Variants in CACNA2D3 observed in about 807,000 individuals in gnomAD.
CACNA2D3 encodes the protein voltage-dependent calcium channel subunit alpha-2/delta-3.
In CACNA2D3, 60 loss-of-function variants were observed where a neutral mutation model predicts 160.6. The ratio of observed to expected loss-of-function variants is 0.37; its 90% CI spans 0.30 to 0.46. CACNA2D3 has a LOEUF of 0.46. Among genes scored for constraint, CACNA2D3 ranks in the 20% least tolerant of loss-of-function variants. The probability of loss-of-function intolerance (pLI) is 1.00; values close to 1 mark genes in which losing one functional copy is unlikely to be tolerated. For missense variants in CACNA2D3, 1,205 were observed against 1,365.0 expected, an observed-to-expected ratio of 0.88 and a Z score of 1.85; for synonymous variants, 558 against 492.9, an observed-to-expected ratio of 1.13 and a Z score of -1.75.
intron 16 of CACNA2D3, among the ~76,000 whole-genome samples, chr3:54,843,702 A>G (rs1698870820): frequency 6.6e-6 from 1 of 152,240 alleles, no homozygotes; most frequent in Non-Finnish European, 1.5e-5. Context: ...TCTCTGAGGC[A>G]GGAAGAGCAG....
At chr3:54,942,173 G>T (rs1049410538) in intron 27 of CACNA2D3, among the ~76,000 whole-genome samples, 2 of 152,168 alleles carry the variant, frequency 1.3e-5, no homozygotes, top group Middle Eastern at 3.2e-3. Flanking sequence ...TCTGCAACAG[G>T]GCAGTGATAC....
chr3:55,070,065 C>T (rs1458315591), intron 35 of CACNA2D3, among the ~76,000 whole-genome samples: 3 of 152,202 alleles, frequency 2.0e-5, no homozygotes, highest in Non-Finnish European at 4.4e-5. Context: ...CAAATACTTA[C>T]TGAGAAGTTG....
chr3:55,042,097 G>T (rs1210184087), intron 35 of CACNA2D3, among the ~76,000 whole-genome samples: 1 of 152,064 alleles, frequency 6.6e-6, no homozygotes, highest in Non-Finnish European at 1.5e-5. Flanking sequence ...AATATTCCAT[G>T]TGCATTTTAA....
In CACNA2D3 at chr3:54,787,109, CA is replaced by C. The variant is rs549122956; in HGVS notation, c.1380+22759del. On this transcript the variant is annotated intron_variant, in intron 13 of 37. Transcript: ENST00000474759. ...TCCCTTCTTGTGGTTGTTTCCTGAA[CA>C]CACATATTTGAGGGAATATTCAGTA... is the stretch of plus-strand genomic sequence containing the variant. Among the ~76,000 whole-genome samples the C allele has an allele frequency of 1.7e-3, 266 of 152,286 alleles. 1 individual carries two copies. The highest frequency in any genetic ancestry group is 2.2e-3 in the Non-Finnish European group (147 of 68,022).
chr3:54,808,989 A>T (rs1703209650), intron 13 of CACNA2D3, among the ~76,000 whole-genome samples: 2 of 152,196 alleles, frequency 1.3e-5, no homozygotes, highest in African/African-American at 4.8e-5. Context: ...GTAAAGACTC[A>T]ATATGCATTA....
At chr3:54,679,870 A>G (rs1291547571) in intron 11 of CACNA2D3, among the ~76,000 whole-genome samples, 1 of 152,240 alleles carries the variant, frequency 6.6e-6, no homozygotes, top group Non-Finnish European at 1.5e-5. Context: ...GCAATTGCCA[A>G]ATTTGCAAAT....
intron 2 of CACNA2D3, among the ~76,000 whole-genome samples, chr3:54,195,672 G>A (rs926395274): frequency 6.6e-6 from 1 of 152,198 alleles, no homozygotes; most frequent in Non-Finnish European, 1.5e-5. Context: ...CTAGGGAGAC[G>A]TGGGGATGGT....
At chr3:54,641,983 CTT>C (rs78656061) in intron 10 of CACNA2D3, 143 bp from the exon 11 acceptor site, 10,606 of 511,230 alleles carry the variant, frequency 0.021, 143 homozygotes, top group Non-Finnish European at 0.029. Flanking sequence ...TGTGGAAAGA[CTT>C]TTTGTATAGG....
At chr3:54,388,284 G>A (rs1699223334) in intron 4 of CACNA2D3, among the ~76,000 whole-genome samples, 1 of 152,174 alleles carries the variant, frequency 6.6e-6, no homozygotes, top group Non-Finnish European at 1.5e-5. Context: ...TGAAATTTGG[G>A]ATAATGATAC....
rs912307555 is a variant in CACNA2D3, at chr3:54,659,365, T to C, written c.1167+17124T>C. Among the ~76,000 whole-genome samples the C allele has an allele frequency of 3.3e-5, 5 of 152,172 alleles. No homozygotes were observed. In the South Asian group the frequency reaches 1.0e-3, roughly 32 times the overall value. ...TGCATTTCCTATGAGCATCACTTCA[T>C]TGATACTCCCAGCACTTTTATGATA... On this transcript the variant is annotated intron_variant, in intron 11 of 37. Coordinates refer to ENST00000474759, the MANE Select transcript of CACNA2D3 (RefSeq NM_018398.3).
chr3:55,060,931 A>G (rs1327179644), intron 35 of CACNA2D3, among the ~76,000 whole-genome samples: 5 of 152,118 alleles, frequency 3.3e-5, no homozygotes, highest in African/African-American at 4.8e-5. Flanking sequence ...TTCAAACACA[A>G]AATACCATTC....
At chr3:54,539,585 T>A (rs1008135387) in intron 5 of CACNA2D3, among the ~76,000 whole-genome samples, 1 of 152,242 alleles carries the variant, frequency 6.6e-6, no homozygotes, top group South Asian at 2.1e-4. Flanking sequence ...CAAAGTCATC[T>A]CAATCTCAGT....
At chr3:54,968,535 A>G in intron 28 of CACNA2D3, 24 bp downstream of exon 28, 1 of 1,576,542 alleles carries the variant, frequency 6.3e-7, no homozygotes, top group Middle Eastern at 1.7e-4. Context: ...AGCATCTTGA[A>G]GCATTAGCGA....
At chr3:54,141,099 G>GCGCGCGCA (rs1553731398) in intron 2 of CACNA2D3, among the ~76,000 whole-genome samples, 14 of 121,116 alleles carry the variant, frequency 1.2e-4, no homozygotes, top group African/African-American at 4.2e-4. Context: ...GCGCGCGCGC[G>GCGCGCGCA]TGTGTGCATG....
chr3:54,714,530 A>G (rs1401846733), intron 11 of CACNA2D3, among the ~76,000 whole-genome samples: 1 of 152,182 alleles, frequency 6.6e-6, no homozygotes, highest in African/African-American at 2.4e-5. Flanking sequence ...GGTGAGAGCA[A>G]TGGCCGTGCT....
intron 4 of CACNA2D3, among the ~76,000 whole-genome samples, chr3:54,459,285 C>G (rs1325701304): frequency 6.7e-6 from 1 of 148,618 alleles, no homozygotes; most frequent in Non-Finnish European, 1.5e-5. Context: ...GGGTATATAC[C>G]CAGTAATGGG....
intron 24 of CACNA2D3, among the ~76,000 whole-genome samples, chr3:54,889,218 T>C (rs1699998947): frequency 6.6e-6 from 1 of 152,136 alleles, no homozygotes; most frequent in Non-Finnish European, 1.5e-5. Context: ...GTTAAGGATT[T>C]TGGATTTTAT....
intron 27 of CACNA2D3, among the ~76,000 whole-genome samples, chr3:54,921,427 T>C (rs1362857808): frequency 1.3e-5 from 2 of 152,110 alleles, no homozygotes; most frequent in Non-Finnish European, 2.9e-5. Flanking sequence ...TGAAGATGAC[T>C]TGTTTACTAG....
At chr3:54,232,394 C>G (rs1020828088) in intron 2 of CACNA2D3, among the ~76,000 whole-genome samples, 8 of 152,130 alleles carry the variant, frequency 5.3e-5, no homozygotes, top group African/African-American at 1.9e-4. Flanking sequence ...TCAGTTGTCA[C>G]TGCTCTCATG....
Sources: gnomAD v4.1 joint callset for allele counts (sites outside exome capture counted in the v4.1 genomes callset) on GRCh38, gnomAD v4.1.1 for gene constraint, MANE v1.5 for transcripts, NCBI Gene and HGNC (gene_info 2026-07-23, HGNC 2026-07-21) for gene names.